Variants in PIEZO2 observed in about 807,000 individuals in gnomAD.
The protein encoded by PIEZO2 is piezo-type mechanosensitive ion channel component 2.
In PIEZO2, 172 loss-of-function variants were observed where a neutral mutation model predicts 337.3. The ratio of observed to expected loss-of-function variants is 0.51; its 90% CI spans 0.45 to 0.58. The LOEUF is 0.58. Among genes scored for constraint, PIEZO2 ranks in the 20% least tolerant of loss-of-function variants. The pLI, the probability that PIEZO2 is intolerant of heterozygous loss-of-function variation, is 0.00. For missense variants in PIEZO2, 3,028 were observed against 3,391.3 expected (o/e 0.89, Z 2.66); for synonymous variants, 1,251 against 1,228.5 (o/e 1.02, Z -0.38).
chr18:11,076,554 GT>G (rs34189070), intron 1 of PIEZO2, among the ~76,000 whole-genome samples: 2 of 149,938 alleles, frequency 1.3e-5, no homozygotes, highest in East Asian at 2.0e-4. Context: ...ATCTTAGTTT[GT>G]TTTTTTTTGG....
intron 2 of PIEZO2, among the ~76,000 whole-genome samples, chr18:11,017,179 C>T (rs1032064): frequency 0.5 from 76,110 of 151,998 alleles, 19,278 homozygotes; most frequent in Admixed American, 0.55. Context: ...TTGACCTCTA[C>T]GGTCAAAAAT....
chr18:10,798,441 G>C (rs951955617), intron 11 of PIEZO2, among the ~76,000 whole-genome samples: 5 of 152,154 alleles, frequency 3.3e-5, no homozygotes. Context: ...AAGCCCACTG[G>C]CTCTCATTCT....
chr18:10,756,057 G>T lies in PIEZO2; in HGVS notation c.3923+1912C>A, dbSNP rs150372162. Among the ~76,000 whole-genome samples, 1,282 of 143,600 alleles carry T rather than the reference G, an allele frequency of 8.9e-3. 24 individuals are homozygous for T. Among genetic ancestry groups the T allele is most frequent in the African/African-American group, 0.031 (1,201 of 38,366 alleles). 94.2% of individuals were successfully genotyped at this position (143,600 alleles called of 152,430 possible). ...AGGAGGAGGGATGCAGGATGAAGAG[G>T]AGGGATGGGGATAAGGATAAAGGAT... is the stretch of plus-strand genomic sequence containing the variant. On this transcript the variant is annotated intron_variant, in intron 27 of 55. Transcript: ENST00000674853.
intron 2 of PIEZO2, among the ~76,000 whole-genome samples, chr18:10,989,877 A>G (rs552308702): frequency 2.6e-5 from 4 of 152,312 alleles, no homozygotes; most frequent in African/African-American, 7.2e-5. Context: ...TGAAATTGAT[A>G]CAGCCTTTCT....
intron 33 of PIEZO2, chr18:10,739,534 A>G (rs1460800710): frequency 2.6e-5 from 4 of 152,192 alleles, no homozygotes; most frequent in Non-Finnish European, 4.4e-5. Flanking sequence ...ATATGACACA[A>G]TTTTGAAATG....
At position 10,766,969 on chromosome 18, in the gene PIEZO2, C is replaced by T. The variant is rs938550750; in HGVS notation, c.2946+3179G>A. 4.6e-5 allele frequency among the ~76,000 whole-genome samples: 7 copies of T among 151,662 alleles called. No homozygotes were observed. Among genetic ancestry groups the T allele is most frequent in the South Asian group, 4.2e-4 (2 of 4,814 alleles). On this transcript the variant is annotated intron_variant, in intron 21 of 55. Coordinates refer to ENST00000674853, the MANE Select transcript of PIEZO2 (RefSeq NM_001378183.1). The surrounding 1 kb of genome is among the most constrained non-coding windows in gnomAD (Gnocchi z 6.1). ...AGGTCTGCAAAAGTTTCCTTCCTTCCTTCCTCCCACCTTCCATTCCCTCCC... is the reference window on the plus strand; with the variant it reads ...AGGTCTGCAAAAGTTTCCTTCCTTCTTTCCTCCCACCTTCCATTCCCTCCC...
chr18:10,684,727 A>T (rs1250928333), intron 49 of PIEZO2, among the ~76,000 whole-genome samples: 1 of 152,064 alleles, frequency 6.6e-6, no homozygotes, highest in African/African-American at 2.4e-5. Context: ...TGGCCTCCCA[A>T]AGTGCTGGGA....
rs1226910228 is a variant in PIEZO2 at position 11,017,634 on chromosome 18, G to T, written c.161-37974C>A. Among the ~76,000 whole-genome samples, 8 of 152,154 alleles carry T rather than the reference G, an allele frequency of 5.3e-5. No homozygotes were observed. In the South Asian group the frequency reaches 1.5e-3, roughly 28 times the overall value. ...GTTTATGGGTGTTGTACTGCAGAAT[G>T]GTTCTTCTGTATAAAAGAAATCGTA... On this transcript the variant is annotated intron_variant, in intron 2 of 55. Transcript: ENST00000674853.
chr18:11,099,505 C>T lies in PIEZO2; in HGVS notation c.65-33283G>A, dbSNP rs188050287. 1.6e-3 allele frequency among the ~76,000 whole-genome samples: 239 copies of T among 152,276 alleles called. No individual in the cohort carries two copies. The highest frequency in any genetic ancestry group is 3.7e-3 in the Admixed American group (56 of 15,288). ...TTTTTGAGACAGAGTCTCACTTTGT[C>T]GCCCAGGTTGGTATGCAATGGCATG... On this transcript the variant is annotated intron_variant, in intron 1 of 55. Transcript: ENST00000674853. The surrounding 1 kb of genome is among the most constrained non-coding windows in gnomAD (Gnocchi z 5.4).
At chr18:10,790,782 T>A (rs2039383830) in intron 14 of PIEZO2, among the ~76,000 whole-genome samples, 1 of 150,656 alleles carries the variant, frequency 6.6e-6, no homozygotes, top group South Asian at 2.1e-4. Context: ...CTCGGTTCAC[T>A]GCGAGCTCCG....
chr18:11,144,621 C>A (rs569059489), intron 1 of PIEZO2, among the ~76,000 whole-genome samples: 1 of 152,258 alleles, frequency 6.6e-6, no homozygotes, highest in East Asian at 1.9e-4. Context: ...TTTTTACTCA[C>A]ATTTTAATCC....
intron 7 of PIEZO2, among the ~76,000 whole-genome samples, chr18:10,836,467 A>G (rs2041017021): frequency 6.6e-6 from 1 of 152,204 alleles, no homozygotes; most frequent in African/African-American, 2.4e-5. Flanking sequence ...GCTCAAGGTC[A>G]CTTACTATAT....
At chr18:10,916,759 A>AAGCATTGCCAG (rs1568196427) in intron 3 of PIEZO2, among the ~76,000 whole-genome samples, 1 of 152,128 alleles carries the variant, frequency 6.6e-6, no homozygotes, top group Non-Finnish European at 1.5e-5. Flanking sequence ...AGGGCTTCTC[A>AAGCATTGCCAG]AGCATTGCCA....
chr18:10,740,723 G>T, intron 33 of PIEZO2: 1 of 517,724 alleles, frequency 1.9e-6, no homozygotes, highest in Non-Finnish European at 3.5e-6. Context: ...TCAGAATTGG[G>T]CAATATAATA....
intron 1 of PIEZO2, among the ~76,000 whole-genome samples, chr18:11,081,445 C>G (rs2038737990): frequency 6.6e-6 from 1 of 152,178 alleles, no homozygotes; most frequent in South Asian, 2.1e-4. Flanking sequence ...TCCTAAGCCT[C>G]AAGGTAACTT....
intron 7 of PIEZO2, among the ~76,000 whole-genome samples, chr18:10,823,567 GC>G (rs1278818657): frequency 2.0e-5 from 3 of 152,074 alleles, no homozygotes; most frequent in Non-Finnish European, 2.9e-5. Context: ...TTTCATTCAC[GC>G]ATCCTCAAAT....
intron 1 of PIEZO2, among the ~76,000 whole-genome samples, chr18:11,068,162 C>T (rs564629046): frequency 7.2e-4 from 110 of 152,300 alleles, no homozygotes; most frequent in African/African-American, 2.3e-3. Context: ...TCTCATGATC[C>T]GCCTGCCTTG....
At chr18:10,782,500 TTATATTATA>T (rs1303920883) in intron 17 of PIEZO2, among the ~76,000 whole-genome samples, 6 of 131,696 alleles carry the variant, frequency 4.6e-5, no homozygotes, top group Non-Finnish European at 6.2e-5. Flanking sequence ...TATTATATTC[TTATATTATA>T]TATATTATTA....
At chr18:10,967,602 G>T (rs1361478035) in intron 3 of PIEZO2, among the ~76,000 whole-genome samples, 1 of 152,064 alleles carries the variant, frequency 6.6e-6, no homozygotes, top group East Asian at 1.9e-4. Flanking sequence ...GCACATCCAT[G>T]CCAACATCTA....
Sources: allele counts gnomAD v4.1 joint callset (sites outside exome capture counted in the v4.1 genomes callset), GRCh38; gene constraint gnomAD v4.1.1; non-coding constraint Gnocchi (gnomAD v3.1); transcripts MANE v1.5; gene names NCBI Gene and HGNC (gene_info 2026-07-23, HGNC 2026-07-21).